Variants in FOSL2 observed in about 807,000 individuals in gnomAD.
FOSL2 encodes fos-related antigen 2.
Under a neutral mutation model 27.7 loss-of-function variants are expected in FOSL2, and 3 were observed. That is an observed-to-expected ratio of 0.11 (90% CI 0.05 to 0.28). FOSL2 has a LOEUF of 0.28. Among genes scored for constraint, FOSL2 ranks in the 10% least tolerant of loss-of-function variants. FOSL2 has a pLI of 1.00. For synonymous variants in FOSL2, 179 were observed against 190.1 expected, an observed-to-expected ratio of 0.94 and a Z score of 0.48; for missense variants, 333 against 445.1, an observed-to-expected ratio of 0.75 and a Z score of 2.27.
At chr2:28,405,197 C>T (rs1411233409) in intron 2 of FOSL2, among the ~76,000 whole-genome samples, 1 of 152,090 alleles carries the variant, frequency 6.6e-6, no homozygotes, top group African/African-American at 2.4e-5. Context: ...ATGCATAATT[C>T]CAGAAAGAAT....
At chr2:28,409,324 G>A (rs931949) in intron 3 of FOSL2, among the ~76,000 whole-genome samples, 23,215 of 152,170 alleles carry the variant, frequency 0.15, 2,329 homozygotes, top group Non-Finnish European at 0.22. Flanking sequence ...GTTGGGCCAG[G>A]GAGAAGTCTT....
rs1664246923 is a variant in FOSL2, at chr2:28,413,419, A to T, written c.*971A>T. Reference sequence around the variant, plus strand: ...CCCTAGGAGCCACACATTATACTCCAAGTCCCTGCCGGGCTCCGCCTTTCC... The same window carrying T: ...CCCTAGGAGCCACACATTATACTCCTAGTCCCTGCCGGGCTCCGCCTTTCC... On this transcript the variant is annotated 3_prime_UTR_variant, in exon 4 of 4. Coordinates refer to ENST00000264716, the MANE Select transcript of FOSL2 (RefSeq NM_005253.4). 1 of 398,246 alleles carries T rather than the reference A, an allele frequency of 2.5e-6. No homozygotes were observed. Among genetic ancestry groups the T allele is most frequent in the South Asian group, 1.3e-4 (1 of 7,606 alleles). 24.7% of individuals were successfully genotyped at this position (398,246 alleles called of 1,614,324 possible).
At chr2:28,396,285 T>G (rs1663832908) in intron 1 of FOSL2, among the ~76,000 whole-genome samples, 1 of 148,254 alleles carries the variant, frequency 6.7e-6, no homozygotes, top group Non-Finnish European at 1.5e-5. Context: ...TCCAGTGACT[T>G]TGGGGGTGGG....
chr2:28,405,167 T>C (rs1210932678), intron 2 of FOSL2, among the ~76,000 whole-genome samples: 7 of 152,082 alleles, frequency 4.6e-5, no homozygotes, highest in Admixed American at 4.6e-4. Context: ...TCCCTGGTCT[T>C]GGAAAGGGAA....
intron 1 of FOSL2, among the ~76,000 whole-genome samples, chr2:28,398,088 G>A (rs1424017238): frequency 6.6e-6 from 1 of 152,158 alleles, no homozygotes; most frequent in Non-Finnish European, 1.5e-5. Flanking sequence ...TTGTTAGATA[G>A]GAATAAAGAT....
intron 1 of FOSL2, among the ~76,000 whole-genome samples, chr2:28,399,157 G>A (rs886758772): frequency 6.6e-6 from 1 of 152,226 alleles, no homozygotes; most frequent in African/African-American, 2.4e-5. Flanking sequence ...TTCATGGCTT[G>A]AATGCTTGAT....
intron 1 of FOSL2, among the ~76,000 whole-genome samples, chr2:28,394,862 G>A (rs1663778139): frequency 6.6e-6 from 1 of 152,220 alleles, no homozygotes; most frequent in Non-Finnish European, 1.5e-5. Context: ...GTCTAGCATA[G>A]TTGGCTGCAG....
Position 28,408,727 on chromosome 2 carries a change from T to C in FOSL2, c.355-32T>C. 6.6e-7 allele frequency: 1 copy of C among 1,506,128 alleles called. No homozygotes were observed. The highest frequency in any genetic ancestry group is 9.1e-7 in the Non-Finnish European group (1 of 1,096,302). The allele number at this position is 1,506,128 out of a possible 1,614,324, so 93.3% of individuals were successfully genotyped here. On this transcript the variant is annotated intron_variant, in intron 2 of 3. Coordinates refer to ENST00000264716, the MANE Select transcript of FOSL2 (RefSeq NM_005253.4). This position sits in a 1 kb window ranked among gnomAD's most constrained non-coding sequence, Gnocchi z 4.1. ...AAAATACTGTGAACCATTGTCTCTG[T>C]TCTAACCATGATCCTTGGCTTTGGC...
At position 28,392,947 on chromosome 2, in the gene FOSL2, AGAG is replaced by A. The variant is rs1663704525; in HGVS notation, c.-773_-771del. 3.0e-6 allele frequency: 1 copy of A among 338,116 alleles called. No homozygotes were observed. The highest frequency in any genetic ancestry group is 2.4e-5 in the African/African-American group (1 of 41,490). The allele number at this position is 338,116 out of a possible 1,614,324, so 20.9% of individuals were successfully genotyped here. ...GCGCTCGGCGGGGACAGAAAGAGGG[AGAG>A]AGAGAGAGAGAGAGAGGGAGAGGCG... is the stretch of plus-strand genomic sequence containing the variant. On this transcript the variant is annotated 5_prime_UTR_variant, in exon 1 of 4. Coordinates refer to ENST00000264716, the MANE Select transcript of FOSL2 (RefSeq NM_005253.4).
chr2:28,393,427 G>A lies in FOSL2; in HGVS notation c.-294G>A, dbSNP rs1438560462. On this transcript the variant is annotated 5_prime_UTR_variant, in exon 1 of 4. Coordinates refer to ENST00000264716, the MANE Select transcript of FOSL2 (RefSeq NM_005253.4). The surrounding 1 kb of genome is among the most constrained non-coding windows in gnomAD (Gnocchi z 4.6). ...CGGGGGCGGGAGGGCGCGCGCAGGG[G>A]AGGGACCGAGAGACGCGCCGACTTT... 1 of 380,196 alleles carries A rather than the reference G, an allele frequency of 2.6e-6. No individual in the cohort carries two copies. The highest frequency in any genetic ancestry group is 2.2e-5 in the African/African-American group (1 of 46,076). The allele number at this position is 380,196 out of a possible 1,614,324, so 23.6% of individuals were successfully genotyped here.
At chr2:28,398,924 G>A (rs774001129) in intron 1 of FOSL2, among the ~76,000 whole-genome samples, 28 of 152,212 alleles carry the variant, frequency 1.8e-4, no homozygotes, top group Non-Finnish European at 2.1e-4. Flanking sequence ...GAGTATTTGC[G>A]TTAAACTGGA....
At chr2:28,400,770 C>T (rs1036966060) in intron 1 of FOSL2, among the ~76,000 whole-genome samples, 13 of 152,342 alleles carry the variant, frequency 8.5e-5, no homozygotes, top group Admixed American at 5.9e-4. Flanking sequence ...GGGGAGCACA[C>T]ACCACGGACC....
At position 28,412,449 on chromosome 2, in the gene FOSL2, C is replaced by T; in HGVS notation, c.*1C>T. ...CTCCCCCACTCTGCTGGCTCTGTAA[C>T]CCAGTGCACCTCCCTCCCCAGCTCC... On this transcript the variant is annotated 3_prime_UTR_variant, in exon 4 of 4. Coordinates refer to ENST00000264716, the MANE Select transcript of FOSL2 (RefSeq NM_005253.4). This position sits in a 1 kb window ranked among gnomAD's most constrained non-coding sequence, Gnocchi z 7.1. 6.3e-7 allele frequency: 1 copy of T among 1,597,130 alleles called. No individual in the cohort carries two copies. The highest frequency in any genetic ancestry group is 8.5e-7 in the Non-Finnish European group (1 of 1,177,822).
intron 2 of FOSL2, among the ~76,000 whole-genome samples, chr2:28,406,396 C>T (rs183833812): frequency 2.6e-5 from 4 of 152,324 alleles, no homozygotes; most frequent in East Asian, 3.9e-4. Context: ...TACCTCACAC[C>T]AAATTTAGAA....
chr2:28,393,626 G>A lies in FOSL2; in HGVS notation c.-95G>A, dbSNP rs141199785. On this transcript the variant is annotated 5_prime_UTR_variant, in exon 1 of 4. Coordinates refer to ENST00000264716, the MANE Select transcript of FOSL2 (RefSeq NM_005253.4). This position sits in a 1 kb window ranked among gnomAD's most constrained non-coding sequence, Gnocchi z 4.6. The stretch of plus-strand genomic sequence containing the variant: ...GAAGCCCAGAGCCCGCGGCGCGGCC[G>A]GCGGACGAACGAGCGCGCAGCAGCC... The A allele has an allele frequency of 0.025, 22,655 of 903,632 alleles. 384 individuals carry two copies. The highest frequency in any genetic ancestry group is 0.031 in the Non-Finnish European group (18,605 of 591,670). The allele number at this position is 903,632 out of a possible 1,614,324, so 56.0% of individuals were successfully genotyped here.
chr2:28,403,220 C>G (rs1305241012), intron 1 of FOSL2, among the ~76,000 whole-genome samples: 1 of 152,122 alleles, frequency 6.6e-6, no homozygotes, highest in Non-Finnish European at 1.5e-5. Context: ...GGAGCACAGC[C>G]CATTTTAGTT....
In FOSL2 at chr2:28,412,514, AC is replaced by A. The variant is rs1572497524; in HGVS notation, c.*68del. The stretch of plus-strand genomic sequence containing the variant: ...TCGCTCCTCCTTCCCAGGGACCAGC[AC>A]CTTCAAGCGCTCCAGGGCCGTGAGG... On this transcript the variant is annotated 3_prime_UTR_variant, in exon 4 of 4. Coordinates refer to ENST00000264716, the MANE Select transcript of FOSL2 (RefSeq NM_005253.4). The surrounding 1 kb of genome is among the most constrained non-coding windows in gnomAD (Gnocchi z 7.1). The A allele has an allele frequency of 3.2e-6, 5 of 1,547,430 alleles. No individual in the cohort carries two copies. The Admixed American group carries it at 8.7e-5, about 27-fold the overall frequency.
rs762780334 is a variant in FOSL2, at chr2:28,415,373, C to T, written c.*2925C>T. 3 of 152,226 alleles carry T rather than the reference C, an allele frequency of 2.0e-5. No homozygotes were observed. Among genetic ancestry groups the T allele is most frequent in the Non-Finnish European group, 4.4e-5 (3 of 68,070 alleles). 9.4% of individuals were successfully genotyped at this position (152,226 alleles called of 1,614,324 possible). ...GCTTAGGAAATTGCTGGAGCCGGCT[C>T]CAAGCAGATAATTCACTGGGGAGGT... On this transcript the variant is annotated 3_prime_UTR_variant, in exon 4 of 4. Transcript: ENST00000264716.
Position 28,404,302 on chromosome 2 carries a change from C to T in FOSL2, c.298C>T (p.Pro100Ser). The T allele has an allele frequency of 1.9e-6, 3 of 1,614,200 alleles. No homozygotes were observed. Among genetic ancestry groups the T allele is most frequent in the Non-Finnish European group, 1.7e-6 (2 of 1,180,038 alleles). ...SVPGHMALPR[P>S]GVIKTIGTTV... Reference sequence around the variant, plus strand: ...CCCTGGACACATGGCCCTCCCAAGACCTGGCGTGATCAAGACCATTGGCAC... The same window carrying T: ...CCCTGGACACATGGCCCTCCCAAGATCTGGCGTGATCAAGACCATTGGCAC... The change falls in exon 2 of 4, where the codon CCT (proline) becomes TCT (serine). Residue 100 changes from proline to serine, a missense_variant. Transcript: ENST00000264716. This position sits in a 1 kb window ranked among gnomAD's most constrained non-coding sequence, Gnocchi z 4.7.
Sources: allele counts gnomAD v4.1 joint callset (sites outside exome capture counted in the v4.1 genomes callset), GRCh38; gene constraint gnomAD v4.1.1; non-coding constraint Gnocchi (gnomAD v3.1); transcripts MANE v1.5; gene names NCBI Gene and HGNC (gene_info 2026-07-23, HGNC 2026-07-21).